The following DCC variants were observed in gnomAD, a reference collection of about 807,000 sequenced individuals.
DCC encodes DCC netrin 1 receptor.
In DCC, 58 loss-of-function variants were observed where a neutral mutation model predicts 172.5. The observed-to-expected ratio is 0.34, with a 90% CI of 0.27 to 0.42. The LOEUF (loss-of-function observed/expected upper bound fraction) is 0.42. DCC is among the 10% of genes least tolerant of loss of function. DCC has a pLI of 1.00. For synonymous variants in DCC, 709 were observed against 644.5 expected, an observed-to-expected ratio of 1.10 and a Z score of -1.52; for missense variants, 1,740 against 1,791.0, an observed-to-expected ratio of 0.97 and a Z score of 0.51.
chr18:52,564,592 A>G (rs554642007), intron 1 of DCC, among the ~76,000 whole-genome samples: 49 of 145,660 alleles, frequency 3.4e-4, no homozygotes, highest in Non-Finnish European at 1.9e-4. Context: ...GAAGGAAACA[A>G]CTCTTCCAAA....
chr18:53,437,093 A>G (rs1002391817), intron 22 of DCC, among the ~76,000 whole-genome samples: 6 of 152,184 alleles, frequency 3.9e-5, no homozygotes, highest in Non-Finnish European at 8.8e-5. Context: ...TTGGAAGGAC[A>G]CAAGCATTCA....
At chr18:52,462,845 A>C (rs1988672592) in intron 1 of DCC, among the ~76,000 whole-genome samples, 1 of 146,908 alleles carries the variant, frequency 6.8e-6, no homozygotes, top group Admixed American at 7.1e-5. Flanking sequence ...ACTCTGAATT[A>C]TGTATTGAAT....
chr18:53,435,573 G>A (rs1911888416), intron 22 of DCC, among the ~76,000 whole-genome samples: 1 of 151,996 alleles, frequency 6.6e-6, no homozygotes, highest in East Asian at 1.9e-4. Flanking sequence ...ATTTGAGAGA[G>A]GTGATATCTA....
intron 1 of DCC, among the ~76,000 whole-genome samples, chr18:52,610,414 G>GA (rs2034254469): frequency 5.9e-5 from 6 of 102,392 alleles, no homozygotes; most frequent in African/African-American, 1.5e-4. Context: ...AAAAGAAAAA[G>GA]AAAAAGAAAA....
At position 52,654,805 on chromosome 18, in the gene DCC, G is replaced by C. The variant is rs1479456935; in HGVS notation, c.92-97249G>C. On this transcript the variant is annotated intron_variant, in intron 1 of 28. Transcript: ENST00000442544. ...GTTAAATTTGGAAACTGAGTTGCAG[G>C]AGACCCCAAGCTTGAAATCCAGGCA... is the stretch of plus-strand genomic sequence containing the variant. Among the ~76,000 whole-genome samples, 5 of 152,036 alleles carry C rather than the reference G, an allele frequency of 3.3e-5. No individual in the cohort carries two copies. The East Asian group carries it at 9.7e-4, about 29-fold the overall frequency.
At chr18:53,236,681 T>G (rs1338749707) in intron 12 of DCC, among the ~76,000 whole-genome samples, 1 of 152,104 alleles carries the variant, frequency 6.6e-6, no homozygotes, top group African/African-American at 2.4e-5. Flanking sequence ...CCCCAAGGTA[T>G]AAAGATATTC....
intron 2 of DCC, among the ~76,000 whole-genome samples, chr18:52,828,895 C>T (rs2038561713): frequency 6.6e-6 from 1 of 152,092 alleles, no homozygotes; most frequent in Non-Finnish European, 1.5e-5. Flanking sequence ...GAATTATTTG[C>T]TTTTATTCCA....
intron 12 of DCC, among the ~76,000 whole-genome samples, chr18:53,293,215 C>T (rs1382732884): frequency 6.6e-6 from 1 of 152,038 alleles, no homozygotes; most frequent in African/African-American, 2.4e-5. Context: ...TCATACAGTC[C>T]GTGAATACCT....
rs2034475960 is a variant in DCC at position 52,621,365 on chromosome 18, T to A, written c.92-130689T>A. Reference sequence around the variant, plus strand: ...TTGAAACAGGGATTAGAACTCTGTGTCTGAAGGTTGGGAAAGGAGGTAGGC... The same window carrying A: ...TTGAAACAGGGATTAGAACTCTGTGACTGAAGGTTGGGAAAGGAGGTAGGC... On this transcript the variant is annotated intron_variant, in intron 1 of 28. Coordinates refer to ENST00000442544, the MANE Select transcript of DCC (RefSeq NM_005215.4). Among the ~76,000 whole-genome samples, 4 of 152,178 alleles carry A rather than the reference T, an allele frequency of 2.6e-5. No individual in the cohort carries two copies. In the South Asian group the frequency reaches 8.3e-4, roughly 31 times the overall value.
At chr18:53,108,811 T>G (rs536801364) in intron 7 of DCC, among the ~76,000 whole-genome samples, 1 of 151,588 alleles carries the variant, frequency 6.6e-6, no homozygotes, top group Non-Finnish European at 1.5e-5. Context: ...TATACCATAA[T>G]TTACTTATGC....
At chr18:53,442,160 A>G (rs1344116830) in intron 22 of DCC, among the ~76,000 whole-genome samples, 1 of 152,214 alleles carries the variant, frequency 6.6e-6, no homozygotes, top group Non-Finnish European at 1.5e-5. Flanking sequence ...GTAATTTTAT[A>G]CAGGCATCCT....
intron 1 of DCC, among the ~76,000 whole-genome samples, chr18:52,429,504 T>C (rs1251472680): frequency 6.6e-6 from 1 of 152,162 alleles, no homozygotes; most frequent in South Asian, 2.1e-4. Flanking sequence ...TTTGACTTAA[T>C]TTATTTGGCT....
At chr18:53,300,043 G>C (rs190407921) in intron 12 of DCC, among the ~76,000 whole-genome samples, 2 of 152,258 alleles carry the variant, frequency 1.3e-5, no homozygotes, top group East Asian at 3.9e-4. Context: ...AAGAATAGTG[G>C]AAACAAAGTA....
At chr18:52,366,038 T>C (rs1598865214) in intron 1 of DCC, among the ~76,000 whole-genome samples, 1 of 152,226 alleles carries the variant, frequency 6.6e-6, no homozygotes, top group Non-Finnish European at 1.5e-5. Context: ...CAACTCTATA[T>C]ATTACTTGAA....
chr18:53,216,845 T>C (rs2055859461), intron 12 of DCC, among the ~76,000 whole-genome samples: 1 of 152,104 alleles, frequency 6.6e-6, no homozygotes, highest in African/African-American at 2.4e-5. Context: ...AATCAAAAAT[T>C]AACATAACCC....
intron 1 of DCC, among the ~76,000 whole-genome samples, chr18:52,564,773 T>C (rs1406986556): frequency 1.3e-5 from 2 of 151,962 alleles, no homozygotes; most frequent in Non-Finnish European, 2.9e-5. Flanking sequence ...AAGGATTTCA[T>C]GGAACTCATG....
At chr18:52,815,080 A>G (rs1036167011) in intron 2 of DCC, among the ~76,000 whole-genome samples, 2 of 152,196 alleles carry the variant, frequency 1.3e-5, no homozygotes, top group Non-Finnish European at 2.9e-5. Flanking sequence ...GGGGGTATCT[A>G]TTGTAGGCCA....
chr18:52,605,250 T>G (rs1174719890), intron 1 of DCC, among the ~76,000 whole-genome samples: 1 of 152,128 alleles, frequency 6.6e-6, no homozygotes, highest in Admixed American at 6.6e-5. Flanking sequence ...CTGTTCTTAA[T>G]ATAATATTTT....
chr18:53,348,505 C>CA (rs1396258982), intron 15 of DCC, among the ~76,000 whole-genome samples: 22 of 152,250 alleles, frequency 1.4e-4, no homozygotes, highest in African/African-American at 5.3e-4. Flanking sequence ...GTGGATCTAG[C>CA]ATTCTGGGGT....
Sources: allele counts gnomAD v4.1 joint callset (sites outside exome capture counted in the v4.1 genomes callset), GRCh38; gene constraint gnomAD v4.1.1; transcripts MANE v1.5; gene names NCBI Gene and HGNC (gene_info 2026-07-23, HGNC 2026-07-21).